The following FAM3D variants were observed in gnomAD, a reference collection of about 807,000 sequenced individuals.
FAM3D encodes FAM3 metabolism regulating signaling molecule D.
A neutral mutation model predicts 29.8 loss-of-function variants in FAM3D; 26 were observed. The ratio of observed to expected loss-of-function variants is 0.87; its 90% CI spans 0.64 to 1.21. FAM3D has a LOEUF of 1.21. FAM3D is among the 50% of genes most tolerant of loss of function. The pLI is 0.00. For missense variants in FAM3D, 253 were observed against 290.9 expected (o/e 0.87, Z 0.95); for synonymous variants, 115 against 102.3 (o/e 1.12, Z -0.75).
At chr3:58,648,470 C>T (rs2106832538) in intron 4 of FAM3D, among the ~76,000 whole-genome samples, 1 of 152,050 alleles carries the variant, frequency 6.6e-6, no homozygotes, top group East Asian at 1.9e-4. Flanking sequence ...TGACTTCTGC[C>T]TCACCACTTA....
At chr3:58,645,039 A>G (rs2066436473) in intron 5 of FAM3D, among the ~76,000 whole-genome samples, 1 of 152,168 alleles carries the variant, frequency 6.6e-6, no homozygotes, top group Non-Finnish European at 1.5e-5. Flanking sequence ...TCTAGGTTGG[A>G]TGATAGGTAC....
At chr3:58,638,037 G>A (rs1056038333) in intron 7 of FAM3D, among the ~76,000 whole-genome samples, 21 of 152,112 alleles carry the variant, frequency 1.4e-4, no homozygotes, top group East Asian at 3.9e-4. Context: ...GGCATGCGCC[G>A]CCATGCCTGG....
intron 5 of FAM3D, among the ~76,000 whole-genome samples, chr3:58,644,883 C>T (rs1436234068): frequency 6.6e-6 from 1 of 152,228 alleles, no homozygotes; most frequent in Non-Finnish European, 1.5e-5. Flanking sequence ...CTGAAGCCTG[C>T]CTACCACCCC....
chr3:58,649,892 A>G (rs2066585148), intron 3 of FAM3D, among the ~76,000 whole-genome samples: 1 of 152,174 alleles, frequency 6.6e-6, no homozygotes, highest in African/African-American at 2.4e-5. Flanking sequence ...CCACCCTCAC[A>G]GGGCCATGGA....
intron 7 of FAM3D, 102 bp downstream of exon 7, chr3:58,640,025 G>A: frequency 1.6e-6 from 2 of 1,275,722 alleles, no homozygotes; most frequent in Non-Finnish European, 2.3e-6. Flanking sequence ...GTGGAAAGAA[G>A]CACCAGGTAC....
In FAM3D at chr3:58,658,095, C is replaced by T. The variant is rs2066859254; in HGVS notation, c.-38-2494G>A. 2.0e-5 allele frequency among the ~76,000 whole-genome samples: 3 copies of T among 152,104 alleles called. No individual in the cohort carries two copies. In the South Asian group the frequency reaches 6.2e-4, roughly 32 times the overall value. On this transcript the variant is annotated intron_variant, in intron 1 of 9. Transcript: ENST00000358781. Reference sequence around the variant, plus strand: ...ATCACTGCAAGCCACCCCGTTCCTCCCATTGTCTGTCCTCACTGTCCTTGG... The same window carrying T: ...ATCACTGCAAGCCACCCCGTTCCTCTCATTGTCTGTCCTCACTGTCCTTGG...
At chr3:58,639,511 C>T (rs1310006833) in intron 7 of FAM3D, among the ~76,000 whole-genome samples, 3 of 152,190 alleles carry the variant, frequency 2.0e-5, no homozygotes, top group South Asian at 2.1e-4. Flanking sequence ...AGCCCCTGGC[C>T]TGTCCCCATC....
At chr3:58,658,230 C>T (rs1418321028) in intron 1 of FAM3D, among the ~76,000 whole-genome samples, 2 of 152,242 alleles carry the variant, frequency 1.3e-5, no homozygotes, top group African/African-American at 2.4e-5. Context: ...GCCTAGGATG[C>T]GGGGCATTGA....
At chr3:58,661,190 T>C (rs2066921917) in intron 1 of FAM3D, among the ~76,000 whole-genome samples, 1 of 152,216 alleles carries the variant, frequency 6.6e-6, no homozygotes, top group Non-Finnish European at 1.5e-5. Flanking sequence ...TTTGCCCACC[T>C]GTGCCCTGGG....
At chr3:58,653,817 A>AGCCGAGACCACAGT in intron 2 of FAM3D, 36 bp from the exon 3 acceptor site, 4 of 1,541,126 alleles carry the variant, frequency 2.6e-6, no homozygotes, top group Non-Finnish European at 3.6e-6. Context: ...GAGACCACAG[A>AGCCGAGACCACAGT]GCCAAGACCA....
At position 58,636,345 on chromosome 3, in the gene FAM3D, G is replaced by C. The variant is rs1406700763; in HGVS notation, c.534C>G (p.Ser178Arg). ...GGTCTTTGGCTCCTATGAAGACCCA[G>C]CTGTCCCGGAAGCCCAGTTGTTTTG... ...SYAKQLGFRD[S>R]WVFIGAKDLR... The change falls in exon 9 of 10, where the codon AGC becomes AGG. Residue 178 changes from serine (S) to arginine (R), a missense_variant. Coordinates refer to ENST00000358781, the MANE Select transcript of FAM3D (RefSeq NM_138805.3). 7 of 1,614,216 alleles carry C rather than the reference G, an allele frequency of 4.3e-6. No individual in the cohort carries two copies. The highest frequency in any genetic ancestry group is 5.9e-6 in the Non-Finnish European group (7 of 1,180,032).
At chr3:58,652,160 C>A (rs756894199) in intron 3 of FAM3D, among the ~76,000 whole-genome samples, 4 of 152,152 alleles carry the variant, frequency 2.6e-5, no homozygotes, top group Non-Finnish European at 5.9e-5. Context: ...CCTGGGTTCC[C>A]GTTCTTGTTC....
At chr3:58,641,418 T>G (rs1233219620) in intron 6 of FAM3D, among the ~76,000 whole-genome samples, 1 of 151,812 alleles carries the variant, frequency 6.6e-6, no homozygotes, top group African/African-American at 2.4e-5. Flanking sequence ...TGGAGTGCAG[T>G]GGTGTGAGCT....
rs1399746367 is a variant in FAM3D, at chr3:58,635,439, G to T, written c.585+855C>A. 6.6e-6 allele frequency among the ~76,000 whole-genome samples: 1 copy of T among 152,148 alleles called. No homozygotes were observed. Among genetic ancestry groups the T allele is most frequent in the Non-Finnish European group, 1.5e-5 (1 of 68,018 alleles). ...GGTTCATTTTTGTGTGTCGGTCCCG[G>T]CCAGCTGGTTGCAGATGGATGAAGA... is the stretch of plus-strand genomic sequence containing the variant. On this transcript the variant is annotated intron_variant, in intron 9 of 9. Coordinates refer to ENST00000358781, the MANE Select transcript of FAM3D (RefSeq NM_138805.3). The surrounding 1 kb of genome is among the most constrained non-coding windows in gnomAD (Gnocchi z 5.2).
At chr3:58,650,803 C>A (rs886792759) in intron 3 of FAM3D, among the ~76,000 whole-genome samples, 3 of 152,126 alleles carry the variant, frequency 2.0e-5, no homozygotes, top group Non-Finnish European at 4.4e-5. Flanking sequence ...CTGCAAGCTC[C>A]GCCTCCCGGG....
At chr3:58,666,388 A>T (rs554734050) in intron 1 of FAM3D, among the ~76,000 whole-genome samples, 188 bp downstream of exon 1, 2 of 152,210 alleles carry the variant, frequency 1.3e-5, no homozygotes, top group South Asian at 2.1e-4. Flanking sequence ...CCTCAGATGA[A>T]ATCTATTTGC....
chr3:58,655,675 G>A, intron 1 of FAM3D, 74 bp from the exon 2 acceptor site: 1 of 1,244,590 alleles, frequency 8.0e-7, no homozygotes, highest in Non-Finnish European at 1.1e-6. Context: ...ATGAGGGAAA[G>A]GGACCTCTAA....
At chr3:58,649,263 A>AG (rs2066560265) in intron 4 of FAM3D, 52 bp downstream of exon 4, 1 of 1,598,916 alleles carries the variant, frequency 6.3e-7, no homozygotes, top group African/African-American at 1.3e-5. Flanking sequence ...AAATGGGAGC[A>AG]GGGGGTGAGT....
In FAM3D at chr3:58,637,156, T is replaced by TCGTAGGGACCACCAGCACA; in HGVS notation, c.442_443insTGTGCTGGTGGTCCCTACG (p.Asp148ValfsTer16). 6.2e-7 allele frequency: 1 copy of TCGTAGGGACCACCAGCACA among 1,613,960 alleles called. No homozygotes were observed. The highest frequency in any genetic ancestry group is 1.1e-5 in the South Asian group (1 of 91,020). On this transcript the variant is annotated frameshift_variant, in exon 8 of 10. Transcript: ENST00000358781. LOFTEE classifies it high-confidence loss of function. ...TTCTACTTACTTGGTCCCTGGATCG[T>TCGTAGGGACCACCAGCACA]CGTAGGAGGCCACCAGCACCAGTGC...
Sources: allele counts gnomAD v4.1 joint callset (sites outside exome capture counted in the v4.1 genomes callset), GRCh38; gene constraint gnomAD v4.1.1; non-coding constraint Gnocchi (gnomAD v3.1); transcripts MANE v1.5; gene names NCBI Gene and HGNC (gene_info 2026-07-23, HGNC 2026-07-21).